Variants in OR3A3 observed in about 807,000 individuals in gnomAD.
The protein encoded by OR3A3 is olfactory receptor 3A3.
For synonymous variants in OR3A3, 103 were observed against 163.9 expected (o/e 0.63, Z 2.84); for missense variants, 275 against 391.4 (o/e 0.70, Z 2.51).
exon 3 of OR3A3, chr17:3,423,406 G>A (rs2072449412): frequency 1.3e-5 from 2 of 152,238 alleles, no homozygotes; most frequent in African/African-American, 4.8e-5. Context: ...CTCCTTTCCT[G>A]TGTTCCACCT....
Position 3,421,238 on chromosome 17 carries a change from G to GTCCTA in OR3A3, c.654_655insCCTAT (p.Val219ProfsTer9). 6.2e-7 allele frequency: 1 copy of GTCCTA among 1,614,184 alleles called. No homozygotes were observed. Among genetic ancestry groups the GTCCTA allele is most frequent in the Non-Finnish European group, 8.5e-7 (1 of 1,180,028 alleles). ...GCTGTGGCACCCTTGGTCTTCATCAGTGTGTCCTATGCCCATGTGGTAGCT... is the reference window on the plus strand; with the variant it reads ...GCTGTGGCACCCTTGGTCTTCATCAGTCCTATGTGTCCTATGCCCATGTGGTAGCT... On this transcript the variant is annotated frameshift_variant, in exon 3 of 3. Coordinates refer to ENST00000641141, the Ensembl canonical transcript of OR3A3. LOFTEE classifies it low-confidence loss of function (END_TRUNC).
chr17:3,415,827 TTA>T (rs1259908483), intron 2 of OR3A3, among the ~76,000 whole-genome samples: 2 of 145,116 alleles, frequency 1.4e-5, no homozygotes, highest in Non-Finnish European at 3.0e-5. Flanking sequence ...ATTATTATTA[TTA>T]TTATTATTAT....
At chr17:3,415,802 ATTATTATTATTATT>A (rs1567583245) in intron 2 of OR3A3, among the ~76,000 whole-genome samples, 6 of 102,556 alleles carry the variant, frequency 5.9e-5, no homozygotes, top group Non-Finnish European at 9.0e-5. Context: ...TTTTTAAATT[ATTATTATTATTATT>A]ATTATTATTA....
In OR3A3 at chr17:3,414,725, G is replaced by T. The variant is rs779437775; in HGVS notation, c.-7+2554G>T. On this transcript the variant is annotated intron_variant, in intron 2 of 2. Transcript: ENST00000641141. Reference sequence around the variant, plus strand: ...TAGCTCATCACCAGAAATGGAATTTGGTTGACAGGAAGTAAAATAGCCTGG... The same window carrying T: ...TAGCTCATCACCAGAAATGGAATTTTGTTGACAGGAAGTAAAATAGCCTGG... Among the ~76,000 whole-genome samples, 23 of 152,070 alleles carry T rather than the reference G, an allele frequency of 1.5e-4. 1 individual carries two copies. Among genetic ancestry groups the T allele is most frequent in the Admixed American group, 8.5e-4 (13 of 15,272 alleles).
intron 1 of OR3A3, among the ~76,000 whole-genome samples, 177 bp downstream of exon 1, chr17:3,411,661 C>T (rs531725904): frequency 5.3e-5 from 8 of 152,248 alleles, no homozygotes; most frequent in South Asian, 2.1e-4. Flanking sequence ...GGCGACAGAG[C>T]GAGACTCCGT....
intron 1 of OR3A3, among the ~76,000 whole-genome samples, 157 bp downstream of exon 1, chr17:3,411,641 C>T (rs2072362821): frequency 6.6e-6 from 1 of 152,234 alleles, no homozygotes; most frequent in Admixed American, 6.5e-5. Flanking sequence ...CACCACTGCA[C>T]TCCAGCCTGG....
exon 3 of OR3A3, chr17:3,423,953 G>GAAAAAAAAAAAAAAAAAAAAAAAA (rs148900480): frequency 8.3e-6 from 1 of 120,038 alleles, no homozygotes; most frequent in African/African-American, 3.1e-5. Flanking sequence ...CTCAAAAAAA[G>GAAAAAAAAAAAAAAAAAAAAAAAA]AAAAAAAAAA....
At chr17:3,416,624 A>G (rs1053097532) in intron 2 of OR3A3, among the ~76,000 whole-genome samples, 4 of 152,122 alleles carry the variant, frequency 2.6e-5, no homozygotes, top group Non-Finnish European at 5.9e-5. Flanking sequence ...ACTGTTCTAG[A>G]ATTATTTTAA....
chr17:3,420,645 A>G, exon 3 of OR3A3: 1 of 1,523,378 alleles, frequency 6.6e-7, no homozygotes, highest in Non-Finnish European at 8.8e-7. Context: ...TACTGGGCCT[A>G]GTGCAAACAG....
chr17:3,415,331 C>T (rs544289660), intron 2 of OR3A3, among the ~76,000 whole-genome samples: 3 of 151,650 alleles, frequency 2.0e-5, no homozygotes, highest in Admixed American at 1.3e-4. Flanking sequence ...GAGGCCGAGG[C>T]GGGCGGATCA....
chr17:3,421,521 A>G (rs1381639970), exon 3 of OR3A3: 1 of 1,525,422 alleles, frequency 6.6e-7, no homozygotes, highest in East Asian at 2.3e-5. Context: ...TGGGGAAGCG[A>G]TCACTGACCT....
chr17:3,413,683 G>A (rs549727019), intron 2 of OR3A3, among the ~76,000 whole-genome samples: 1 of 151,906 alleles, frequency 6.6e-6, no homozygotes, highest in East Asian at 2.0e-4. Context: ...CGTGGTGGCA[G>A]GCACCTGTAG....
In OR3A3 at chr17:3,412,668, T is replaced by G. The variant is rs1451789069; in HGVS notation, c.-7+497T>G. Among the ~76,000 whole-genome samples the G allele has an allele frequency of 2.0e-5, 3 of 151,202 alleles. No homozygotes were observed. In the East Asian group the frequency reaches 5.8e-4, roughly 29 times the overall value. ...CCCCCTGGTTTTAAGCAATTGTATCTCTAGCTGTCTGAGGGTTGGCAACAG... is the reference window on the plus strand; with the variant it reads ...CCCCCTGGTTTTAAGCAATTGTATCGCTAGCTGTCTGAGGGTTGGCAACAG... On this transcript the variant is annotated intron_variant, in intron 2 of 2. Coordinates refer to ENST00000641141, the Ensembl canonical transcript of OR3A3.
chr17:3,415,381 T>G (rs1475883979), intron 2 of OR3A3, among the ~76,000 whole-genome samples: 1 of 151,614 alleles, frequency 6.6e-6, no homozygotes. Flanking sequence ...GTCAACATGG[T>G]GAAACCCTAT....
chr17:3,420,998 G>A lies in OR3A3; in HGVS notation c.413G>A (p.Arg138His), dbSNP rs201618782. ...TGCCAGCCCCTCACCTACAGCACCCGCATGAGTCAGACAGTCCAGAGGATG... is the reference window on the plus strand; with the variant it reads ...TGCCAGCCCCTCACCTACAGCACCCACATGAGTCAGACAGTCCAGAGGATG... Residue 138 changes from arginine to histidine, a missense_variant, in exon 3 of 3, where the codon CGC (arginine) becomes CAC (histidine). By Grantham distance (29) the Arg-to-His change is conservative. Transcript: ENST00000641141. 51 of 1,613,720 alleles carry A rather than the reference G, an allele frequency of 3.2e-5. No homozygotes were observed. The highest frequency in any genetic ancestry group is 1.9e-4 in the African/African-American group (14 of 74,870).
intron 2 of OR3A3, among the ~76,000 whole-genome samples, chr17:3,420,253 C>T (rs936743013): frequency 3.3e-5 from 5 of 152,170 alleles, no homozygotes; most frequent in Non-Finnish European, 4.4e-5. Flanking sequence ...TTTCCCCCTT[C>T]CGGCAAGAGC....
exon 3 of OR3A3, chr17:3,421,602 C>G: frequency 6.7e-7 from 1 of 1,499,632 alleles, no homozygotes; most frequent in Non-Finnish European, 8.9e-7. Flanking sequence ...ACCAACAAAC[C>G]TTGTTTATAA....
exon 3 of OR3A3, chr17:3,421,689 C>T: frequency 1.5e-6 from 1 of 673,732 alleles, no homozygotes; most frequent in African/African-American, 1.8e-5. Flanking sequence ...ATAATTCATT[C>T]ATTTATTCAT....
chr17:3,414,538 C>T (rs902962332), intron 2 of OR3A3, among the ~76,000 whole-genome samples: 1 of 152,142 alleles, frequency 6.6e-6, no homozygotes, highest in East Asian at 1.9e-4. Flanking sequence ...TTCTCCGAAA[C>T]GATCTCAGGA....
Sources: gnomAD v4.1 joint callset for allele counts (sites outside exome capture counted in the v4.1 genomes callset) on GRCh38, gnomAD v4.1.1 for gene constraint, MANE v1.5 for transcripts, NCBI Gene and HGNC (gene_info 2026-07-23, HGNC 2026-07-21) for gene names.